The following KCNIP4 variants were observed in gnomAD, a reference collection of about 807,000 sequenced individuals.
The protein encoded by KCNIP4 is Kv channel-interacting protein 4.
KCNIP4 carries 12 observed loss-of-function variants against 34.0 expected under a neutral mutation model. That is an observed-to-expected ratio of 0.35 (90% CI 0.23 to 0.57). The LOEUF (loss-of-function observed/expected upper bound fraction) is 0.57. Among genes scored for constraint, KCNIP4 ranks in the 20% least tolerant of loss-of-function variants. KCNIP4 has a pLI of 0.83. For synonymous variants in KCNIP4, 124 were observed against 102.2 expected, an observed-to-expected ratio of 1.21 and a Z score of -1.29; for missense variants, 238 against 311.7, an observed-to-expected ratio of 0.76 and a Z score of 1.78.
chr4:21,386,133 C>T (rs531063379), intron 1 of KCNIP4, among the ~76,000 whole-genome samples: 65 of 152,184 alleles, frequency 4.3e-4, no homozygotes, highest in African/African-American at 1.5e-3. Flanking sequence ...CTTTTCAGAA[C>T]CTTGTGGTTT....
chr4:21,540,539 A>C (rs1047737156), intron 1 of KCNIP4, among the ~76,000 whole-genome samples: 5 of 152,154 alleles, frequency 3.3e-5, no homozygotes, highest in African/African-American at 1.2e-4. Flanking sequence ...TCACCAATTC[A>C]GTGTTCAAGA....
At chr4:21,018,051 G>T (rs1441146171) in intron 1 of KCNIP4, among the ~76,000 whole-genome samples, 1 of 152,060 alleles carries the variant, frequency 6.6e-6, no homozygotes, top group Non-Finnish European at 1.5e-5. Context: ...TCATTTTCTT[G>T]TACTACATGG....
In KCNIP4 at chr4:21,274,844, A is replaced by G. The variant is rs1018676361; in HGVS notation, c.62-392135T>C. 2.0e-5 allele frequency among the ~76,000 whole-genome samples: 3 copies of G among 152,158 alleles called. No individual in the cohort carries two copies. The East Asian group carries it at 5.8e-4, about 29-fold the overall frequency. ...TCTGAAGTTTAGTAAAGAGGAGGGT[A>G]TCTTGCTTCAAACTCACTATGAAGA... On this transcript the variant is annotated intron_variant, in intron 1 of 8. Transcript: ENST00000382152.
In KCNIP4 at chr4:20,837,929, A is replaced by G. The variant is rs116367145; in HGVS notation, c.288+12614T>C. Among the ~76,000 whole-genome samples the G allele has an allele frequency of 8.4e-3, 1,278 of 151,504 alleles. 25 individuals are homozygous for G. The highest frequency in any genetic ancestry group is 0.03 in the African/African-American group (1,229 of 41,228). On this transcript the variant is annotated intron_variant, in intron 3 of 8. Coordinates refer to ENST00000382152, the MANE Select transcript of KCNIP4 (RefSeq NM_025221.6). ...GGTCTTGAACATGTGACCTCAGGTGATCCACCCATCTCAGCTTCTCAAAGT... is the reference window on the plus strand; with the variant it reads ...GGTCTTGAACATGTGACCTCAGGTGGTCCACCCATCTCAGCTTCTCAAAGT...
intron 1 of KCNIP4, among the ~76,000 whole-genome samples, chr4:21,307,541 C>A (rs1007380415): frequency 3.9e-5 from 6 of 152,142 alleles, no homozygotes; most frequent in African/African-American, 1.4e-4. Flanking sequence ...AAACTCCTAC[C>A]CATGAGGGTA....
At chr4:21,032,051 C>G (rs187692605) in intron 1 of KCNIP4, among the ~76,000 whole-genome samples, 165 of 152,246 alleles carry the variant, frequency 1.1e-3, no homozygotes, top group Non-Finnish European at 2.0e-3. Flanking sequence ...AGAGAACAGC[C>G]TCGAAGGGCC....
intron 1 of KCNIP4, among the ~76,000 whole-genome samples, chr4:21,141,580 G>A (rs1204909840): frequency 6.6e-6 from 1 of 152,144 alleles, no homozygotes; most frequent in South Asian, 2.1e-4. Context: ...CTGATTTTAT[G>A]TAGAAACATG....
chr4:21,705,845 C>A (rs1256191965), intron 1 of KCNIP4, among the ~76,000 whole-genome samples: 1 of 152,174 alleles, frequency 6.6e-6, no homozygotes, highest in Non-Finnish European at 1.5e-5. Flanking sequence ...AAAACCTTCT[C>A]AAAATCAGCC....
At chr4:21,342,587 A>C (rs1260777826) in intron 1 of KCNIP4, among the ~76,000 whole-genome samples, 1 of 151,860 alleles carries the variant, frequency 6.6e-6, no homozygotes, top group African/African-American at 2.4e-5. Context: ...ATAAGCCATG[A>C]TTTATTTGCT....
chr4:21,727,616 G>A (rs1166688495), intron 1 of KCNIP4, among the ~76,000 whole-genome samples: 1 of 151,930 alleles, frequency 6.6e-6, no homozygotes, highest in East Asian at 1.9e-4. Context: ...ATCACTGGAG[G>A]TCAGAAGTTC....
rs1439649750 is a variant in KCNIP4 at position 20,730,058 on chromosome 4, T to C, written c.*24A>G. 6.2e-7 allele frequency: 1 copy of C among 1,601,976 alleles called. No individual in the cohort carries two copies. The highest frequency in any genetic ancestry group is 8.5e-7 in the Non-Finnish European group (1 of 1,175,866). ...GGTAGAATAGTTCACATTTGTCTGT[T>C]GGATTCAGGATCTATTTGACAAGTT... On this transcript the variant is annotated 3_prime_UTR_variant, in exon 9 of 9. Transcript: ENST00000382152.
At chr4:21,413,159 G>A (rs1170349535) in intron 1 of KCNIP4, among the ~76,000 whole-genome samples, 1 of 152,188 alleles carries the variant, frequency 6.6e-6, no homozygotes, top group Non-Finnish European at 1.5e-5. Flanking sequence ...TTGGTTGTTA[G>A]GGGGAGGCTA....
intron 1 of KCNIP4, among the ~76,000 whole-genome samples, chr4:21,146,946 C>G (rs1309447461): frequency 6.6e-6 from 1 of 151,456 alleles, no homozygotes; most frequent in Non-Finnish European, 1.5e-5. Flanking sequence ...TTAGATGTAC[C>G]TTTTGTGTGT....
chr4:21,427,392 T>C (rs568063182), intron 1 of KCNIP4, among the ~76,000 whole-genome samples: 3 of 152,270 alleles, frequency 2.0e-5, no homozygotes, highest in Admixed American at 6.5e-5. Flanking sequence ...TAATGACCTT[T>C]TTAGCAGCAT....
intron 1 of KCNIP4, among the ~76,000 whole-genome samples, chr4:21,121,222 C>T (rs11945510): frequency 0.34 from 52,154 of 151,974 alleles, 9,167 homozygotes; most frequent in African/African-American, 0.4. Flanking sequence ...GGCCCTTTGC[C>T]CCACTGCTGT....
chr4:21,247,759 T>TATATATATATATATATATACACAC (rs1366204923), intron 1 of KCNIP4, among the ~76,000 whole-genome samples: 2 of 120,000 alleles, frequency 1.7e-5, no homozygotes, highest in Non-Finnish European at 3.3e-5. Context: ...TATATATATA[T>TATATATATATATATATATACACAC]ACACCCCACA....
chr4:21,541,158 G>A (rs1017944194), intron 1 of KCNIP4, among the ~76,000 whole-genome samples: 43 of 134,854 alleles, frequency 3.2e-4, no homozygotes, highest in African/African-American at 1.2e-3. Context: ...GCAACAGAGT[G>A]AGACTCCATC....
At chr4:21,143,592 G>A (rs906460338) in intron 1 of KCNIP4, among the ~76,000 whole-genome samples, 1 of 152,180 alleles carries the variant, frequency 6.6e-6, no homozygotes, top group Admixed American at 6.6e-5. Context: ...GATCATAAAT[G>A]GGTATTGTTT....
intron 1 of KCNIP4, among the ~76,000 whole-genome samples, chr4:21,295,243 T>A (rs1462313997): frequency 1.3e-5 from 2 of 152,084 alleles, no homozygotes; most frequent in African/African-American, 2.4e-5. Context: ...CCACAGGCAG[T>A]TGTTTCATAT....
Sources: allele counts gnomAD v4.1 joint callset (sites outside exome capture counted in the v4.1 genomes callset), GRCh38; gene constraint gnomAD v4.1.1; transcripts MANE v1.5; gene names NCBI Gene and HGNC (gene_info 2026-07-23, HGNC 2026-07-21).